Variants in DCBLD2 observed in about 807,000 individuals in gnomAD.
DCBLD2 encodes discoidin, CUB and LCCL domain containing 2, also known as discoidin, CUB and LCCL domain-containing protein 2.
DCBLD2 carries 54 observed loss-of-function variants against 86.8 expected under a neutral mutation model. The ratio of observed to expected loss-of-function variants is 0.62; its 90% CI spans 0.50 to 0.78. The LOEUF (loss-of-function observed/expected upper bound fraction) is 0.78. DCBLD2 is among the 30% of genes least tolerant of loss of function. The pLI is 0.00. For missense variants in DCBLD2, 908 were observed against 954.2 expected (o/e 0.95, Z 0.64); for synonymous variants, 354 against 341.3 (o/e 1.04, Z -0.41).
At chr3:98,853,448 A>G (rs1014810278) in intron 2 of DCBLD2, among the ~76,000 whole-genome samples, 3 of 152,188 alleles carry the variant, frequency 2.0e-5, no homozygotes, top group Non-Finnish European at 4.4e-5. Context: ...CAATGCCACC[A>G]GTCCTGAAGC....
chr3:98,840,002 T>C (rs532059492), intron 3 of DCBLD2, among the ~76,000 whole-genome samples: 1 of 152,274 alleles, frequency 6.6e-6, no homozygotes, highest in South Asian at 2.1e-4. Flanking sequence ...GTGCTCAGCA[T>C]GTTTGAGGCC....
At chr3:98,887,380 T>C (rs986300345) in intron 1 of DCBLD2, among the ~76,000 whole-genome samples, 27 of 152,200 alleles carry the variant, frequency 1.8e-4, no homozygotes, top group Middle Eastern at 3.4e-3. Context: ...ATAAAGTTTT[T>C]ATTATTTGGT....
At chr3:98,863,313 C>G (rs1196753011) in intron 2 of DCBLD2, among the ~76,000 whole-genome samples, 1 of 152,122 alleles carries the variant, frequency 6.6e-6, no homozygotes, top group Non-Finnish European at 1.5e-5. Context: ...GATTCAATGC[C>G]ATCCCCATCA....
At chr3:98,881,858 G>A (rs747846468) in intron 1 of DCBLD2, 91 bp from the exon 2 acceptor site, 49 of 1,247,406 alleles carry the variant, frequency 3.9e-5, no homozygotes, top group Non-Finnish European at 5.3e-5. Flanking sequence ...AAATATGCAC[G>A]ACATCAAATA....
chr3:98,872,603 T>A (rs997558961), intron 2 of DCBLD2, among the ~76,000 whole-genome samples: 26 of 152,258 alleles, frequency 1.7e-4, no homozygotes, highest in African/African-American at 6.3e-4. Flanking sequence ...AGAAGTCTAG[T>A]TCATTGAATG....
chr3:98,833,135 C>CT (rs953925415), intron 3 of DCBLD2, among the ~76,000 whole-genome samples: 1 of 152,096 alleles, frequency 6.6e-6, no homozygotes, highest in Non-Finnish European at 1.5e-5. Flanking sequence ...CCTTTTCATT[C>CT]TTTTTTTCTT....
rs202177458 is a variant in DCBLD2, at chr3:98,850,747, TAAAAC to T, written c.434-1154_434-1150del. 7.4e-3 allele frequency among the ~76,000 whole-genome samples: 1,119 copies of T among 152,098 alleles called. 11 individuals carry two copies. Among genetic ancestry groups the T allele is most frequent in the African/African-American group, 0.026 (1,069 of 41,502 alleles). ...TAGTGAATTCTAAGGAATTGACAAA[TAAAAC>T]AAAACAAAACCTCTCTAGAACTAGT... is the stretch of plus-strand genomic sequence containing the variant. On this transcript the variant is annotated intron_variant, in intron 2 of 15. Transcript: ENST00000326840.
At chr3:98,800,848 T>G in intron 14 of DCBLD2, 132 bp from the exon 15 acceptor site, 1 of 1,178,470 alleles carries the variant, frequency 8.5e-7, no homozygotes, top group Non-Finnish European at 1.2e-6. Flanking sequence ...GCCTTTATAA[T>G]CCAACTTTTT....
intron 1 of DCBLD2, among the ~76,000 whole-genome samples, chr3:98,887,082 C>T (rs1252838754): frequency 1.3e-5 from 2 of 151,780 alleles, no homozygotes; most frequent in Non-Finnish European, 2.9e-5. Flanking sequence ...ATAATATGAA[C>T]ATTGTGATTT....
At position 98,802,557 on chromosome 3, in the gene DCBLD2, A is replaced by G. The variant is rs910591129; in HGVS notation, c.1671-908T>C. ...TTGCTGTGCAGAAGCTGTTTAGTTT[A>G]ATTAGATCCCATTTGTCAATTCTGG... On this transcript the variant is annotated intron_variant, in intron 13 of 15. Coordinates refer to ENST00000326840, the MANE Select transcript of DCBLD2 (RefSeq NM_080927.4). Among the ~76,000 whole-genome samples the G allele has an allele frequency of 1.1e-4, 17 of 152,196 alleles. 1 individual carries two copies. Among genetic ancestry groups the G allele is most frequent in the African/African-American group, 4.1e-4 (17 of 41,514 alleles).
At chr3:98,898,891 C>A (rs1055203836) in intron 1 of DCBLD2, among the ~76,000 whole-genome samples, 3 of 152,050 alleles carry the variant, frequency 2.0e-5, no homozygotes, top group Non-Finnish European at 4.4e-5. Flanking sequence ...TTAGTAAGAT[C>A]GAGATTAGTA....
At chr3:98,894,347 A>G (rs370178008) in intron 1 of DCBLD2, among the ~76,000 whole-genome samples, 1 of 152,214 alleles carries the variant, frequency 6.6e-6, no homozygotes, top group East Asian at 1.9e-4. Flanking sequence ...AAAAGGAGAC[A>G]GGCAACTACG....
At chr3:98,835,727 T>C (rs1942428011) in intron 3 of DCBLD2, among the ~76,000 whole-genome samples, 1 of 150,104 alleles carries the variant, frequency 6.7e-6, no homozygotes, top group African/African-American at 2.4e-5. Flanking sequence ...TTTTTGTATT[T>C]TTAGTAGAGA....
intron 9 of DCBLD2, among the ~76,000 whole-genome samples, chr3:98,816,934 A>C (rs1452598377): frequency 6.6e-6 from 1 of 152,062 alleles, no homozygotes; most frequent in East Asian, 1.9e-4. Context: ...GGCATGCGCC[A>C]CCATGCCTGG....
intron 6 of DCBLD2, 126 bp downstream of exon 6, chr3:98,822,102 C>A (rs763272167): frequency 8.5e-7 from 1 of 1,172,122 alleles, no homozygotes; most frequent in South Asian, 1.2e-5. Context: ...GTGCTTACTG[C>A]CTAAATGTTC....
intron 3 of DCBLD2, among the ~76,000 whole-genome samples, chr3:98,837,958 G>A (rs1230201025): frequency 2.2e-5 from 1 of 45,286 alleles, no homozygotes; most frequent in African/African-American, 9.0e-5. Flanking sequence ...GTGGCTGGCC[G>A]GGCTGAGGGG....
At chr3:98,811,447 T>C (rs1464020064) in intron 11 of DCBLD2, 21 bp downstream of exon 11, 1 of 1,613,284 alleles carries the variant, frequency 6.2e-7, no homozygotes, top group African/African-American at 1.3e-5. Flanking sequence ...TATCAAATTC[T>C]CACATTAAAA....
chr3:98,842,634 GA>G (rs1435408120), intron 3 of DCBLD2, among the ~76,000 whole-genome samples: 1 of 152,108 alleles, frequency 6.6e-6, no homozygotes, highest in Non-Finnish European at 1.5e-5. Context: ...TAGAAGCCCA[GA>G]AAAAATTTTC....
chr3:98,800,301 T>C (rs191122639), intron 15 of DCBLD2, among the ~76,000 whole-genome samples: 83 of 152,268 alleles, frequency 5.5e-4, no homozygotes, highest in Admixed American at 9.2e-4. Context: ...TCTTTCCCGC[T>C]CTCCTCTCAA....
Sources: gnomAD v4.1 joint callset for allele counts (sites outside exome capture counted in the v4.1 genomes callset) on GRCh38, gnomAD v4.1.1 for gene constraint, MANE v1.5 for transcripts, NCBI Gene and HGNC (gene_info 2026-07-23, HGNC 2026-07-21) for gene names.